Variants in LRCH1 observed in about 807,000 individuals in gnomAD.
The protein encoded by LRCH1 is leucine-rich repeat and calponin homology domain-containing protein 1.
In LRCH1, 23 loss-of-function variants were observed where a neutral mutation model predicts 94.9. The ratio of observed to expected loss-of-function variants is 0.24; its 90% CI spans 0.17 to 0.34. The LOEUF (loss-of-function observed/expected upper bound fraction) is 0.34. Among genes scored for constraint, LRCH1 ranks in the 10% least tolerant of loss-of-function variants. The pLI is 1.00. For missense variants in LRCH1, 790 were observed against 945.9 expected (o/e 0.84, Z 2.16); for synonymous variants, 364 against 354.9 (o/e 1.03, Z -0.29).
Position 46,743,627 on chromosome 13 carries a change from G to T in LRCH1, c.*1779G>T. On this transcript the variant is annotated 3_prime_UTR_variant, in exon 20 of 20. Transcript: ENST00000389797. ...AGTTTTTATCAGCCCATTGATACATGTATTCATGAGCTCTCAGCATTCCCA... is the reference window on the plus strand; with the variant it reads ...AGTTTTTATCAGCCCATTGATACATTTATTCATGAGCTCTCAGCATTCCCA... 1.0e-6 allele frequency: 1 copy of T among 985,358 alleles called. No homozygotes were observed. Among genetic ancestry groups the T allele is most frequent in the Non-Finnish European group, 1.2e-6 (1 of 829,884 alleles). The allele number at this position is 985,358 out of a possible 1,614,324, so 61.0% of individuals were successfully genotyped here.
rs201218022 is a variant in LRCH1, at chr13:46,726,552, T to TC, written c.1870-2289dup. 5.5e-3 allele frequency among the ~76,000 whole-genome samples: 832 copies of TC among 151,790 alleles called. 7 individuals carry two copies. Among genetic ancestry groups the TC allele is most frequent in the African/African-American group, 0.02 (808 of 41,354 alleles). On this transcript the variant is annotated intron_variant, in intron 17 of 19. Coordinates refer to ENST00000389797, the MANE Select transcript of LRCH1 (RefSeq NM_001164211.2). Reference sequence around the variant, plus strand: ...CTGAACACCACAGGAAACACTGTGGTCCCCCCTCACCCACACCAGCAAGGG... The same window carrying TC: ...CTGAACACCACAGGAAACACTGTGGTCCCCCCCTCACCCACACCAGCAAGGG...
intron 19 of LRCH1, among the ~76,000 whole-genome samples, chr13:46,736,944 A>C (rs1367272936): frequency 6.6e-6 from 1 of 152,244 alleles, no homozygotes; most frequent in Non-Finnish European, 1.5e-5. Flanking sequence ...CAGTTTGTAT[A>C]ATTTTTTCAC....
chr13:46,560,133 G>T (rs2050113638), intron 1 of LRCH1, among the ~76,000 whole-genome samples: 3 of 59,352 alleles, frequency 5.1e-5, no homozygotes, highest in South Asian at 8.1e-4. Flanking sequence ...ATACATTTCT[G>T]TTCCCCCATA....
At chr13:46,575,853 C>T (rs1032238136) in intron 1 of LRCH1, among the ~76,000 whole-genome samples, 2 of 152,118 alleles carry the variant, frequency 1.3e-5, no homozygotes, top group Admixed American at 6.5e-5. Flanking sequence ...GAGAATGAAG[C>T]AGGCTCCTGA....
intron 1 of LRCH1, among the ~76,000 whole-genome samples, chr13:46,570,193 A>G (rs2050226509): frequency 6.6e-6 from 1 of 152,190 alleles, no homozygotes; most frequent in African/African-American, 2.4e-5. Context: ...CTCAGAGAGA[A>G]ATGCCTGAGA....
At chr13:46,621,604 T>A (rs905716488) in intron 1 of LRCH1, among the ~76,000 whole-genome samples, 1 of 152,094 alleles carries the variant, frequency 6.6e-6, no homozygotes, top group African/African-American at 2.4e-5. Flanking sequence ...CAGGAAGGGG[T>A]TCTGCATTGC....
downstream of LRCH1, among the ~76,000 whole-genome samples, chr13:46,747,796 G>A (rs1005350570): frequency 6.6e-6 from 1 of 151,184 alleles, no homozygotes; most frequent in African/African-American, 2.4e-5. Flanking sequence ...AGAGTGCAGT[G>A]GCACAATCAT....
intron 1 of LRCH1, among the ~76,000 whole-genome samples, chr13:46,570,185 C>G (rs1024419422): frequency 1.7e-4 from 26 of 152,108 alleles, no homozygotes; most frequent in Non-Finnish European, 3.8e-4. Context: ...AATTGAGGCT[C>G]AGAGAGAAAT....
Position 46,700,922 on chromosome 13 carries a change from C to T in LRCH1, c.1314-199C>T, listed in dbSNP as rs529170881. Among the ~76,000 whole-genome samples the T allele has an allele frequency of 5.3e-5, 8 of 152,316 alleles. No homozygotes were observed. The South Asian group carries it at 1.7e-3, about 32-fold the overall frequency. Reference sequence around the variant, plus strand: ...TGAGCTGCTTTACAGCAGAGCTGGGCTTCCCCTACTCGGGCTCTTCCCACC... The same window carrying T: ...TGAGCTGCTTTACAGCAGAGCTGGGTTTCCCCTACTCGGGCTCTTCCCACC... On this transcript the variant is annotated intron_variant, in intron 10 of 19. Coordinates refer to ENST00000389797, the MANE Select transcript of LRCH1 (RefSeq NM_001164211.2).
chr13:46,638,920 T>G (rs1397959960), intron 1 of LRCH1, among the ~76,000 whole-genome samples: 2 of 152,202 alleles, frequency 1.3e-5, no homozygotes, highest in Non-Finnish European at 2.9e-5. Flanking sequence ...ATTTGTTATT[T>G]GTGAAGTATA....
At chr13:46,562,629 G>T (rs1198276474) in intron 1 of LRCH1, among the ~76,000 whole-genome samples, 2 of 152,148 alleles carry the variant, frequency 1.3e-5, no homozygotes, top group African/African-American at 2.4e-5. Context: ...ACTTTTGGGG[G>T]TCATAATTCA....
At chr13:46,664,264 A>G (rs569937645) in intron 2 of LRCH1, among the ~76,000 whole-genome samples, 3 of 152,362 alleles carry the variant, frequency 2.0e-5, no homozygotes, top group South Asian at 4.1e-4. Context: ...CATACACCAC[A>G]TAATGACATT....
intron 2 of LRCH1, among the ~76,000 whole-genome samples, chr13:46,663,467 G>C (rs2051475048): frequency 6.6e-6 from 1 of 152,086 alleles, no homozygotes; most frequent in Non-Finnish European, 1.5e-5. Context: ...TGCCATGGTG[G>C]ATTTTTCAGA....
At chr13:46,728,826 T>A in intron 17 of LRCH1, 21 bp from the exon 18 acceptor site, 1 of 1,583,380 alleles carries the variant, frequency 6.3e-7, no homozygotes, top group Non-Finnish European at 8.6e-7. Flanking sequence ...TTAACTGGCT[T>A]CCTTCTGATT....
chr13:46,610,954 C>T (rs1440563497), intron 1 of LRCH1, among the ~76,000 whole-genome samples: 1 of 152,114 alleles, frequency 6.6e-6, no homozygotes, highest in Non-Finnish European at 1.5e-5. Context: ...ATCACTGATC[C>T]TCTTAGCATG....
intron 1 of LRCH1, among the ~76,000 whole-genome samples, chr13:46,606,721 G>A (rs1467096449): frequency 2.0e-5 from 3 of 152,086 alleles, no homozygotes; most frequent in Non-Finnish European, 4.4e-5. Context: ...ACAGGCGTGG[G>A]CCACTACGCT....
At chr13:46,557,655 CA>C (rs2050080674) in intron 1 of LRCH1, among the ~76,000 whole-genome samples, 1 of 151,644 alleles carries the variant, frequency 6.6e-6, no homozygotes, top group African/African-American at 2.4e-5. Flanking sequence ...CCAGCCTGAC[CA>C]ACATGGTAAA....
chr13:46,613,998 T>C (rs1161217960), intron 1 of LRCH1, among the ~76,000 whole-genome samples: 1 of 152,180 alleles, frequency 6.6e-6, no homozygotes, highest in East Asian at 1.9e-4. Flanking sequence ...TTTTCTTTTT[T>C]GTTTTAAATT....
At position 46,601,009 on chromosome 13, in the gene LRCH1, A is replaced by G. The variant is rs142134558; in HGVS notation, c.307+47306A>G. On this transcript the variant is annotated intron_variant, in intron 1 of 19. Transcript: ENST00000389797. ...AAATGGGGCTTGCTGAGCAGGTTGA[A>G]TGTTCCATAGAATCAGATCTATACT... is the stretch of plus-strand genomic sequence containing the variant. Among the ~76,000 whole-genome samples the G allele has an allele frequency of 9.2e-5, 14 of 152,344 alleles. 1 individual carries two copies. The East Asian group carries it at 2.3e-3, about 25-fold the overall frequency.
Sources: allele counts gnomAD v4.1 joint callset (sites outside exome capture counted in the v4.1 genomes callset), GRCh38; gene constraint gnomAD v4.1.1; transcripts MANE v1.5; gene names NCBI Gene and HGNC (gene_info 2026-07-23, HGNC 2026-07-21).